Variants in NTF3 observed in about 807,000 individuals in gnomAD.
The protein encoded by NTF3 is neurotrophin 3, also known as neurotrophin-3.
In NTF3, 8 loss-of-function variants were observed where a neutral mutation model predicts 26.3. The ratio of observed to expected loss-of-function variants is 0.30; its 90% CI spans 0.18 to 0.55. The LOEUF (loss-of-function observed/expected upper bound fraction) is 0.55, where lower values mean the gene tolerates loss of function less well. Ranked by LOEUF, NTF3 falls within the 20% of genes least tolerant of loss-of-function variation. The pLI is 0.93. For synonymous variants in NTF3, 154 were observed against 145.5 expected (o/e 1.06, Z -0.42); for missense variants, 276 against 352.9 (o/e 0.78, Z 1.75).
intron 1 of NTF3, among the ~76,000 whole-genome samples, chr12:5,439,659 T>G (rs575959507): frequency 6.6e-6 from 1 of 152,366 alleles, no homozygotes; most frequent in African/African-American, 2.4e-5. Flanking sequence ...GATATTGATT[T>G]AAGCCACAAT....
intron 1 of NTF3, among the ~76,000 whole-genome samples, chr12:5,443,166 G>C (rs548401809): frequency 6.6e-6 from 1 of 152,214 alleles, no homozygotes; most frequent in Non-Finnish European, 1.5e-5. Context: ...TGGAGGGCCT[G>C]AGGTCTAGTC....
At chr12:5,489,162 G>A (rs1345154123) in intron 1 of NTF3, among the ~76,000 whole-genome samples, 2 of 152,214 alleles carry the variant, frequency 1.3e-5, no homozygotes, top group Non-Finnish European at 2.9e-5. Flanking sequence ...GAGGGACTAG[G>A]GTGAGGGAAT....
intron 1 of NTF3, among the ~76,000 whole-genome samples, chr12:5,450,637 A>C (rs1404081911): frequency 6.6e-6 from 1 of 152,214 alleles, no homozygotes; most frequent in Non-Finnish European, 1.5e-5. Flanking sequence ...GACTGGGAAC[A>C]GTGCTCAGCC....
chr12:5,492,905 TC>T (rs1309127633), intron 1 of NTF3, among the ~76,000 whole-genome samples: 1 of 152,126 alleles, frequency 6.6e-6, no homozygotes, highest in Admixed American at 6.5e-5. Flanking sequence ...CTCTCTATTT[TC>T]CCCCTGGACT....
At chr12:5,451,970 G>A (rs970793537) in intron 1 of NTF3, among the ~76,000 whole-genome samples, 1 of 152,190 alleles carries the variant, frequency 6.6e-6, no homozygotes, top group African/African-American at 2.4e-5. Context: ...TGGGATTACA[G>A]GCGTGAGCGA....
intron 1 of NTF3, among the ~76,000 whole-genome samples, chr12:5,454,564 A>T: frequency 6.6e-6 from 1 of 152,240 alleles, no homozygotes; most frequent in Non-Finnish European, 1.5e-5. Flanking sequence ...GTGTGCTAAC[A>T]CATAGTCAGT....
chr12:5,472,875 G>A (rs576823738), intron 1 of NTF3, among the ~76,000 whole-genome samples: 3 of 152,096 alleles, frequency 2.0e-5, no homozygotes, highest in Non-Finnish European at 4.4e-5. Context: ...CTATGTTGAC[G>A]CCTGTGTCAA....
intron 1 of NTF3, among the ~76,000 whole-genome samples, chr12:5,434,281 C>T (rs1940138459): frequency 6.6e-6 from 1 of 152,118 alleles, no homozygotes; most frequent in African/African-American, 2.4e-5. Flanking sequence ...CTCCGGTAGA[C>T]AGTGTTGAAG....
rs187549242 is a variant in NTF3, at chr12:5,471,211, G to A, written c.19-22983G>A. Among the ~76,000 whole-genome samples, 14 of 152,116 alleles carry A rather than the reference G, an allele frequency of 9.2e-5. No homozygotes were observed. The East Asian group carries it at 9.7e-4, about 11-fold the overall frequency. ...CAAGGGCTATTAATGTGGAACAGAC[G>A]GCCTTTAGAAACAGCAATCCACAGG... On this transcript the variant is annotated intron_variant, in intron 1 of 1. Transcript: ENST00000423158.
chr12:5,457,638 G>T (rs146825822), intron 1 of NTF3, among the ~76,000 whole-genome samples: 1 of 152,070 alleles, frequency 6.6e-6, no homozygotes, highest in Non-Finnish European at 1.5e-5. Context: ...CAATTACTTT[G>T]TGTTAGCTAC....
At chr12:5,472,285 T>G (rs919398365) in intron 1 of NTF3, among the ~76,000 whole-genome samples, 13 of 152,144 alleles carry the variant, frequency 8.5e-5, no homozygotes, top group African/African-American at 3.1e-4. Flanking sequence ...GCATGAGCAT[T>G]TGGGAAACAG....
At chr12:5,476,223 T>G (rs1940722297) in intron 1 of NTF3, among the ~76,000 whole-genome samples, 1 of 152,176 alleles carries the variant, frequency 6.6e-6, no homozygotes, top group African/African-American at 2.4e-5. Context: ...AAAGTTTAGG[T>G]GATAAAGTAT....
chr12:5,437,041 G>A (rs1476227751), intron 1 of NTF3, among the ~76,000 whole-genome samples: 1 of 152,222 alleles, frequency 6.6e-6, no homozygotes, highest in Non-Finnish European at 1.5e-5. Context: ...CTGGTAAGAG[G>A]AAAGCCTGGG....
rs1239842115 is a variant in NTF3, at chr12:5,456,872, T to G, written c.18+24530T>G. On this transcript the variant is annotated intron_variant, in intron 1 of 1. Transcript: ENST00000423158. This position sits in a 1 kb window ranked among gnomAD's most constrained non-coding sequence, Gnocchi z 4.4. ...ACCCAGAGTCCCTAAATGACTGCTG[T>G]GTAGCTACCATGAGTGTGCTGAGTG... Among the ~76,000 whole-genome samples the G allele has an allele frequency of 1.3e-5, 2 of 152,176 alleles. No individual in the cohort carries two copies. The highest frequency in any genetic ancestry group is 4.8e-5 in the African/African-American group (2 of 41,438).
chr12:5,468,633 G>A (rs2121205330), intron 1 of NTF3, among the ~76,000 whole-genome samples: 1 of 152,316 alleles, frequency 6.6e-6, no homozygotes, highest in East Asian at 1.9e-4. Flanking sequence ...ACTAAAAAAT[G>A]GTAGCTTAGA....
upstream of NTF3, among the ~76,000 whole-genome samples, chr12:5,431,715 CA>C (rs1483084184): frequency 6.6e-6 from 1 of 151,932 alleles, no homozygotes; most frequent in Non-Finnish European, 1.5e-5. Context: ...GAAAAAAGAT[CA>C]AAAAGAAAAA....
chr12:5,446,488 G>A (rs1940307320), intron 1 of NTF3, among the ~76,000 whole-genome samples: 1 of 152,140 alleles, frequency 6.6e-6, no homozygotes. Flanking sequence ...GGTCCTTCCA[G>A]GAGGCCCAAC....
intron 1 of NTF3, among the ~76,000 whole-genome samples, chr12:5,447,470 C>T (rs1940320288): frequency 6.6e-6 from 1 of 152,220 alleles, no homozygotes. Flanking sequence ...GGCATCATTA[C>T]AGCGAAATAG....
At chr12:5,458,738 T>C (rs1378213467) in intron 1 of NTF3, among the ~76,000 whole-genome samples, 1 of 152,238 alleles carries the variant, frequency 6.6e-6, no homozygotes, top group Non-Finnish European at 1.5e-5. Flanking sequence ...TGAGGTTTAA[T>C]CCCTTCCCAC....
Sources: allele counts gnomAD v4.1 joint callset (sites outside exome capture counted in the v4.1 genomes callset), GRCh38; gene constraint gnomAD v4.1.1; non-coding constraint Gnocchi (gnomAD v3.1); transcripts MANE v1.5; gene names NCBI Gene and HGNC (gene_info 2026-07-23, HGNC 2026-07-21).